AGBL4: variants seen among roughly 807,000 people sequenced by gnomAD.
AGBL4 encodes the protein cytosolic carboxypeptidase 6.
A neutral mutation model predicts 66.4 loss-of-function variants in AGBL4; 58 were observed. The observed-to-expected ratio is 0.87, with a 90% CI of 0.71 to 1.09. AGBL4 has a LOEUF of 1.09. Among genes scored for constraint, AGBL4 ranks in the 50% least tolerant of loss-of-function variants. The probability of loss-of-function intolerance (pLI) is 0.00; values close to 1 mark genes in which losing one functional copy is unlikely to be tolerated. For synonymous variants in AGBL4, 234 were observed against 222.9 expected, an observed-to-expected ratio of 1.05 and a Z score of -0.44; for missense variants, 579 against 631.0, an observed-to-expected ratio of 0.92 and a Z score of 0.88.
At chr1:49,796,147 C>A (rs1289443226) in intron 2 of AGBL4, among the ~76,000 whole-genome samples, 1 of 151,644 alleles carries the variant, frequency 6.6e-6, no homozygotes, top group Non-Finnish European at 1.5e-5. Context: ...AGCAGAATAA[C>A]AAATATTAAC....
intron 3 of AGBL4, among the ~76,000 whole-genome samples, chr1:49,490,648 C>T (rs1162265054): frequency 6.6e-6 from 1 of 151,688 alleles, no homozygotes; most frequent in Non-Finnish European, 1.5e-5. Context: ...GAGTTATTCA[C>T]TTTTTTCTTA....
chr1:48,603,093 C>A (rs1407613764), intron 9 of AGBL4, among the ~76,000 whole-genome samples: 1 of 152,200 alleles, frequency 6.6e-6, no homozygotes, highest in South Asian at 2.1e-4. Context: ...AAGGAAAGGA[C>A]CCTCCAGTGG....
chr1:48,590,186 C>G (rs1644890600), intron 10 of AGBL4, among the ~76,000 whole-genome samples: 1 of 152,130 alleles, frequency 6.6e-6, no homozygotes, highest in South Asian at 2.1e-4. Context: ...GGGCGGATCA[C>G]CTGAGGTTGG....
At chr1:48,786,332 T>TA (rs1645406684) in intron 6 of AGBL4, among the ~76,000 whole-genome samples, 1 of 152,220 alleles carries the variant, frequency 6.6e-6, no homozygotes, top group South Asian at 2.1e-4. Context: ...AACTAAGACT[T>TA]AGAGAGATCA....
intron 3 of AGBL4, among the ~76,000 whole-genome samples, chr1:49,453,314 T>C (rs1160738282): frequency 6.6e-6 from 1 of 151,840 alleles, no homozygotes; most frequent in Non-Finnish European, 1.5e-5. Context: ...TTGCAAATAT[T>C]ATGCCACAAA....
intron 5 of AGBL4, among the ~76,000 whole-genome samples, chr1:48,868,450 A>G (rs1307358254): frequency 6.6e-6 from 1 of 152,226 alleles, no homozygotes; most frequent in East Asian, 1.9e-4. Flanking sequence ...AGAGAAGGAC[A>G]TGATATTTAG....
intron 4 of AGBL4, among the ~76,000 whole-genome samples, chr1:49,192,044 CA>C (rs1647130292): frequency 6.6e-6 from 1 of 152,138 alleles, no homozygotes; most frequent in Non-Finnish European, 1.5e-5. Context: ...CCACTTTGCA[CA>C]ATTGCTGTCC....
intron 1 of AGBL4, among the ~76,000 whole-genome samples, chr1:49,980,295 AG>A (rs1658953148): frequency 2.0e-5 from 3 of 152,160 alleles, no homozygotes; most frequent in Admixed American, 2.0e-4. Flanking sequence ...ATGATTTTTA[AG>A]TCTATGTACA....
At chr1:49,585,580 A>G (rs1644632451) in intron 3 of AGBL4, among the ~76,000 whole-genome samples, 1 of 152,096 alleles carries the variant, frequency 6.6e-6, no homozygotes, top group South Asian at 2.1e-4. Flanking sequence ...TCCCTAGTCA[A>G]CCCTCCAGAT....
chr1:49,251,089 C>T (rs975765020), intron 3 of AGBL4, among the ~76,000 whole-genome samples: 3 of 152,132 alleles, frequency 2.0e-5, no homozygotes, highest in Non-Finnish European at 2.9e-5. Flanking sequence ...GCTGGCCATT[C>T]CTGGGTCCCC....
intron 4 of AGBL4, among the ~76,000 whole-genome samples, chr1:49,173,311 G>A (rs1040533572): frequency 1.3e-5 from 2 of 152,152 alleles, no homozygotes; most frequent in African/African-American, 4.8e-5. Flanking sequence ...AGATACTCAT[G>A]CCATTATTTT....
chr1:49,948,137 T>C (rs1298104378), intron 1 of AGBL4, among the ~76,000 whole-genome samples: 6 of 103,348 alleles, frequency 5.8e-5, no homozygotes, highest in Non-Finnish European at 1.0e-4. Context: ...TATAAATATA[T>C]GTAAATATAT....
chr1:48,534,348 T>G, intron 13 of AGBL4, 55 bp from the exon 14 acceptor site: 1 of 1,500,628 alleles, frequency 6.7e-7, no homozygotes, highest in African/African-American at 1.4e-5. Flanking sequence ...CACACTGTGA[T>G]GAAATCATTT....
intron 6 of AGBL4, chr1:48,761,074 A>G: frequency 2.8e-6 from 1 of 354,822 alleles, no homozygotes; most frequent in Non-Finnish European, 5.2e-6. Flanking sequence ...CACCGTTCCA[A>G]ACCTCCAACA....
chr1:49,246,779 G>A, intron 3 of AGBL4, among the ~76,000 whole-genome samples: 1 of 151,982 alleles, frequency 6.6e-6, no homozygotes, highest in East Asian at 1.9e-4. Flanking sequence ...GCTACGGGTA[G>A]AGCAGCCAGA....
chr1:49,602,295 A>G (rs1013700578), intron 3 of AGBL4, among the ~76,000 whole-genome samples: 1 of 152,160 alleles, frequency 6.6e-6, no homozygotes, highest in Non-Finnish European at 1.5e-5. Flanking sequence ...GCGATTCCTC[A>G]AGGATCTAGA....
At chr1:49,279,574 T>C (rs913855125) in intron 3 of AGBL4, among the ~76,000 whole-genome samples, 2 of 152,096 alleles carry the variant, frequency 1.3e-5, no homozygotes, top group Non-Finnish European at 2.9e-5. Context: ...GTCTTTTTTT[T>C]TTTCAGCTAT....
chr1:49,120,514 A>C (rs989659575), intron 4 of AGBL4, among the ~76,000 whole-genome samples: 3 of 152,192 alleles, frequency 2.0e-5, no homozygotes, highest in Non-Finnish European at 2.9e-5. Flanking sequence ...AGAATGTTGA[A>C]TATTGGCCCC....
intron 6 of AGBL4, among the ~76,000 whole-genome samples, chr1:48,771,739 T>C (rs1644846477): frequency 6.6e-6 from 1 of 152,208 alleles, no homozygotes; most frequent in African/African-American, 2.4e-5. Flanking sequence ...ACTGCTAACT[T>C]TGTAGAAGTT....
Sources: allele counts gnomAD v4.1 joint callset (sites outside exome capture counted in the v4.1 genomes callset), GRCh38; gene constraint gnomAD v4.1.1; transcripts MANE v1.5; gene names NCBI Gene and HGNC (gene_info 2026-07-23, HGNC 2026-07-21).